AASDH: variants seen among roughly 807,000 people sequenced by gnomAD.
AASDH encodes the protein beta-alanine-activating enzyme.
AASDH carries 81 observed loss-of-function variants against 102.3 expected under a neutral mutation model. The ratio of observed to expected loss-of-function variants is 0.79; its 90% CI spans 0.66 to 0.95. AASDH has a LOEUF of 0.95. AASDH is among the 40% of genes least tolerant of loss of function. AASDH has a pLI of 0.00. For missense variants in AASDH, 1,203 were observed against 1,266.2 expected (o/e 0.95, Z 0.76); for synonymous variants, 398 against 454.0 (o/e 0.88, Z 1.57).
At chr4:56,358,284 CA>C (rs1749854570) in intron 5 of AASDH, among the ~76,000 whole-genome samples, 2 of 151,722 alleles carry the variant, frequency 1.3e-5, no homozygotes, top group Admixed American at 1.3e-4. Context: ...TACAGGATCA[CA>C]TCAACTGCAT....
At chr4:56,342,358 G>A (rs970794588) in intron 14 of AASDH, among the ~76,000 whole-genome samples, 2 of 152,034 alleles carry the variant, frequency 1.3e-5, no homozygotes, top group African/African-American at 2.4e-5. Flanking sequence ...CAAACACCCT[G>A]ACTTAATCAT....
intron 5 of AASDH, among the ~76,000 whole-genome samples, chr4:56,365,268 T>C (rs1421316681): frequency 1.3e-5 from 2 of 151,792 alleles, no homozygotes; most frequent in Non-Finnish European, 2.9e-5. Context: ...ACAATAATAA[T>C]GGGAGACTTT....
At chr4:56,367,727 T>C (rs1394774698) in intron 5 of AASDH, among the ~76,000 whole-genome samples, 2 of 148,780 alleles carry the variant, frequency 1.3e-5, no homozygotes, top group African/African-American at 5.0e-5. Flanking sequence ...TCAAGATGGA[T>C]TAAAGACTTA....
chr4:56,362,573 A>G (rs1750437193), intron 5 of AASDH, among the ~76,000 whole-genome samples: 1 of 152,134 alleles, frequency 6.6e-6, no homozygotes, highest in African/African-American at 2.4e-5. Context: ...CCTTGACAGC[A>G]TTTAAGAGCC....
At chr4:56,349,130 A>G (rs1748667564) in intron 11 of AASDH, 133 bp downstream of exon 11, 12 of 932,216 alleles carry the variant, frequency 1.3e-5, no homozygotes, top group African/African-American at 1.7e-5. Flanking sequence ...TAATCAGCAC[A>G]GGGTTAACTA....
Position 56,338,652 on chromosome 4 carries a change from G to GTT in AASDH, c.3045_3046dup (p.Thr1016LysfsTer93), listed in dbSNP as rs1747190315. ...CGGTGTTGCATAGACCCTTGAAGTA[G>GTT]TTTCAAATTTCCACTGCAGGTGACC... On this transcript the variant is annotated frameshift_variant, in exon 15 of 15. Transcript: ENST00000205214. LOFTEE classifies it high-confidence loss of function. 6.2e-7 allele frequency: 1 copy of GTT among 1,614,034 alleles called. No homozygotes were observed. The highest frequency in any genetic ancestry group is 1.7e-5 in the Admixed American group (1 of 59,994).
intron 9 of AASDH, 125 bp downstream of exon 9, chr4:56,353,279 G>C (rs901671986): frequency 4.9e-5 from 36 of 736,990 alleles, no homozygotes; most frequent in Non-Finnish European, 7.4e-5. Context: ...GCAGTCAAAA[G>C]AGGGTCTATC....
intron 2 of AASDH, among the ~76,000 whole-genome samples, chr4:56,383,281 G>A (rs1753183832): frequency 1.3e-5 from 2 of 151,974 alleles, no homozygotes; most frequent in African/African-American, 4.8e-5. Flanking sequence ...AATTTTTGTT[G>A]TTGTTTTTAT....
intron 3 of AASDH, among the ~76,000 whole-genome samples, chr4:56,381,078 A>G (rs1157097967): frequency 6.6e-6 from 1 of 152,174 alleles, no homozygotes; most frequent in Non-Finnish European, 1.5e-5. Context: ...TCCAACTCCT[A>G]CTGGTCATAA....
At position 56,378,167 on chromosome 4, in the gene AASDH, G is replaced by A. The variant is rs1204389666; in HGVS notation, c.649C>T (p.Pro217Ser). Residue 217 changes from proline to serine, a missense_variant, in exon 4 of 15, where the codon CCA becomes TCA. Pro to Ser is a moderately conservative substitution (Grantham distance 74). Transcript: ENST00000205214. The part of the protein sequence containing the change: ...IVRVPHKCIV[P>S]NIQHFRVLFD... The stretch of plus-strand genomic sequence containing the variant: ...ACTTACCGAAAATGCTGGATATTTG[G>A]TACTATACACTTATGAGGCACTCTG... 1.2e-6 allele frequency: 2 copies of A among 1,608,066 alleles called. No homozygotes were observed. Among genetic ancestry groups the A allele is most frequent in the Admixed American group, 1.7e-5 (1 of 58,816 alleles).
At position 56,351,460 on chromosome 4, in the gene AASDH, T is replaced by A; in HGVS notation, c.1577-3A>T. ...TAACTCAGAAACATCAATTTTGCCT[T>A]AATATAAAAGAGAAATAACAAATGT... is the stretch of plus-strand genomic sequence containing the variant. On this transcript the variant is annotated splice_polypyrimidine_tract_variant and splice_region_variant and intron_variant, in intron 9 of 14. Transcript: ENST00000205214. 2 of 1,474,238 alleles carry A rather than the reference T, an allele frequency of 1.4e-6. No individual in the cohort carries two copies. The highest frequency in any genetic ancestry group is 1.2e-5 in the South Asian group (1 of 82,448). The allele number at this position is 1,474,238 out of a possible 1,614,324, so 91.3% of individuals were successfully genotyped here.
At chr4:56,355,015 CT>C (rs1191751569) in intron 6 of AASDH, among the ~76,000 whole-genome samples, 166 bp downstream of exon 6, 3 of 152,170 alleles carry the variant, frequency 2.0e-5, no homozygotes, top group Non-Finnish European at 4.4e-5. Context: ...GCAGCAGTAT[CT>C]TGGCACCAGC....
In AASDH at chr4:56,338,560, C is replaced by CTT. The variant is rs760480183; in HGVS notation, c.3137_3138dup (p.Val1047LysfsTer62). 6 of 1,613,972 alleles carry CTT rather than the reference C, an allele frequency of 3.7e-6. No homozygotes were observed. Among genetic ancestry groups the CTT allele is most frequent in the African/African-American group, 2.7e-5 (2 of 74,934 alleles). On this transcript the variant is annotated frameshift_variant, in exon 15 of 15. Coordinates refer to ENST00000205214, the MANE Select transcript of AASDH (RefSeq NM_181806.4). LOFTEE classifies it high-confidence loss of function. ...CCACTCTGAGATTCCAAGATCCACA[C>CTT]TTTCCCATCAGTAGATGCTGCTGCC...
Position 56,355,441 on chromosome 4 carries a change from A to C in AASDH, c.862-18T>G, listed in dbSNP as rs1418718582. The C allele has an allele frequency of 6.3e-7, 1 of 1,595,296 alleles. No individual in the cohort carries two copies. The highest frequency in any genetic ancestry group is 1.4e-5 in the African/African-American group (1 of 73,758). Reference sequence around the variant, plus strand: ...GGTGTTGCCTGTAGATACATTAAAAATAATTTATTTATTTTCCTTCACTTC... The same window carrying C: ...GGTGTTGCCTGTAGATACATTAAAACTAATTTATTTATTTTCCTTCACTTC... On this transcript the variant is annotated intron_variant, in intron 5 of 14. Transcript: ENST00000205214.
intron 4 of AASDH, among the ~76,000 whole-genome samples, chr4:56,374,797 T>C (rs1462633776): frequency 6.6e-6 from 1 of 152,206 alleles, no homozygotes; most frequent in African/African-American, 2.4e-5. Context: ...TCACAGATGG[T>C]AGAGGAAAAG....
At chr4:56,341,389 C>CCTTTTTTTT (rs1747659613) in intron 14 of AASDH, among the ~76,000 whole-genome samples, 1 of 92,416 alleles carries the variant, frequency 1.1e-5, no homozygotes, top group Non-Finnish European at 2.0e-5. Flanking sequence ...AGACTTTTAT[C>CCTTTTTTTT]TTTTTTTTTT....
chr4:56,362,663 A>C (rs1750448735), intron 5 of AASDH, among the ~76,000 whole-genome samples: 1 of 152,232 alleles, frequency 6.6e-6, no homozygotes, highest in Non-Finnish European at 1.5e-5. Flanking sequence ...AGTAAATAAA[A>C]AAGTGTATAT....
intron 3 of AASDH, among the ~76,000 whole-genome samples, chr4:56,380,802 T>C (rs1292463047): frequency 1.3e-5 from 2 of 152,180 alleles, no homozygotes; most frequent in Non-Finnish European, 2.9e-5. Context: ...GTAGGATTTT[T>C]AGCAGTATCG....
chr4:56,360,192 T>C (rs1239057933), intron 5 of AASDH, among the ~76,000 whole-genome samples: 1 of 152,218 alleles, frequency 6.6e-6, no homozygotes. Flanking sequence ...CTGTCTCTTA[T>C]GTGCATGAAC....
Sources: gnomAD v4.1 joint callset for allele counts (sites outside exome capture counted in the v4.1 genomes callset) on GRCh38, gnomAD v4.1.1 for gene constraint, MANE v1.5 for transcripts, NCBI Gene and HGNC (gene_info 2026-07-23, HGNC 2026-07-21) for gene names.